The following KRT83 variants were observed in gnomAD, a reference collection of about 807,000 sequenced individuals.
KRT83 encodes keratin, type II cuticular Hb3.
In KRT83, 51 loss-of-function variants were observed where a neutral mutation model predicts 52.9. That is an observed-to-expected ratio of 0.96 (90% CI 0.77 to 1.22). The LOEUF is 1.22. Ranked by LOEUF, KRT83 falls within the 50% of genes most tolerant of loss-of-function variation. The pLI, the probability that KRT83 is intolerant of heterozygous loss-of-function variation, is 0.00. For synonymous variants in KRT83, 278 were observed against 274.1 expected (o/e 1.01, Z -0.14); for missense variants, 654 against 666.5 (o/e 0.98, Z 0.21).
rs899263818 is a variant in KRT83, at chr12:52,319,350, C to T, written c.399G>A (p.Glu133=). The change falls in exon 2 of 9, where the codon GAG becomes GAA. Residue 133 remains glutamate (E), a synonymous_variant. Coordinates refer to ENST00000293670, the MANE Select transcript of KRT83 (RefSeq NM_002282.3). ...TTGTCTCCAGCAGCTTGTTCTGCTGCTCCAGGAAGCGCACCTGCCACCCAG... is the reference window on the plus strand; with the variant it reads ...TTGTCTCCAGCAGCTTGTTCTGCTGTTCCAGGAAGCGCACCTGCCACCCAG... The part of the protein sequence containing the change: ...AAFIDKVRFL[E]QQNKLLETKL... 1 of 1,614,042 alleles carries T rather than the reference C, an allele frequency of 6.2e-7. No homozygotes were observed. Among genetic ancestry groups the T allele is most frequent in the Non-Finnish European group, 8.5e-7 (1 of 1,179,898 alleles).
In KRT83 at chr12:52,314,657, C is replaced by T. The variant is rs1319758288; in HGVS notation, c.1456G>A (p.Gly486Ser). The change falls in exon 9 of 9, where the codon GGC becomes AGC. Residue 486 changes from glycine to serine, a missense_variant. Transcript: ENST00000293670. ...TAATGCCTCCCCTGGCCGCAGGAGC[C>T]CCCTCCACAGGTGGTGTTCAGCTGG... is the stretch of plus-strand genomic sequence containing the variant. ...CGQLNTTCGG[G>S]SCGQGRH 2 of 1,575,038 alleles carry T rather than the reference C, an allele frequency of 1.3e-6. No individual in the cohort carries two copies. Among genetic ancestry groups the T allele is most frequent in the East Asian group, 4.6e-5 (2 of 43,238 alleles).
intron 2 of KRT83, 71 bp from the exon 3 acceptor site, chr12:52,318,041 G>T: frequency 7.1e-7 from 1 of 1,412,162 alleles, no homozygotes; most frequent in Non-Finnish European, 1.0e-6. Context: ...TATATGCAAA[G>T]GAGTCTCTTT....
chr12:52,318,812 C>A (rs189628012), intron 2 of KRT83, among the ~76,000 whole-genome samples: 1 of 152,312 alleles, frequency 6.6e-6, no homozygotes, highest in Admixed American at 6.5e-5. Context: ...CAGCGTGCTG[C>A]ATGTGGTAGG....
rs1194656235 is a variant in KRT83, at chr12:52,321,233, C to A, written c.103G>T (p.Ala35Ser). ...PRPSRCCITA[A>S]PYRGISCYRG... Reference sequence around the variant, plus strand: ...TAGCAGGAGATGCCGCGGTAGGGGGCGGCGGTGATGCAGCAGCGGCTTGGC... The same window carrying A: ...TAGCAGGAGATGCCGCGGTAGGGGGAGGCGGTGATGCAGCAGCGGCTTGGC... The change falls in exon 1 of 9, where the codon GCC becomes TCC. Residue 35 changes from alanine to serine, a missense_variant. By Grantham distance (99) the Ala-to-Ser change is moderately conservative (BLOSUM62 1). Coordinates refer to ENST00000293670, the MANE Select transcript of KRT83 (RefSeq NM_002282.3). The A allele has an allele frequency of 1.2e-6, 2 of 1,613,508 alleles. No individual in the cohort carries two copies. Among genetic ancestry groups the A allele is most frequent in the African/African-American group, 1.3e-5 (1 of 75,052 alleles).
rs1399084780 is a variant in KRT83, at chr12:52,316,480, A to G, written c.1029T>C (p.Asn343=). Residue 343 remains asparagine (N), a synonymous_variant, in exon 6 of 9, where the codon AAT becomes AAC. Coordinates refer to ENST00000293670, the MANE Select transcript of KRT83 (RefSeq NM_002282.3). ...MIQRLTAEVE[N]AKCQNSKLEA... The stretch of plus-strand genomic sequence containing the variant: ...CGGGCTCTGGTACCTGGCACTTGGC[A>G]TTCTCCACCTCGGCTGTCAGCCTCT... The G allele has an allele frequency of 4.3e-6, 7 of 1,614,086 alleles. No individual in the cohort carries two copies. Among genetic ancestry groups the G allele is most frequent in the African/African-American group, 1.3e-5 (1 of 75,014 alleles).
chr12:52,315,781 T>A lies in KRT83; in HGVS notation c.1262+112A>T, dbSNP rs1340611598. ...GAATGAGACAACTTGAAGATATGGA[T>A]CTGGGATCCATAGAGGCAAGAATGT... On this transcript the variant is annotated intron_variant, in intron 7 of 8. Coordinates refer to ENST00000293670, the MANE Select transcript of KRT83 (RefSeq NM_002282.3). 5 of 1,421,396 alleles carry A rather than the reference T, an allele frequency of 3.5e-6. No homozygotes were observed. The East Asian group carries it at 9.4e-5, about 27-fold the overall frequency. 88.0% of individuals were successfully genotyped at this position (1,421,396 alleles called of 1,614,324 possible).
Position 52,317,903 on chromosome 12 carries a change from C to T in KRT83, c.654+7G>A. The stretch of plus-strand genomic sequence containing the variant: ...GGCGGGCTCAGGGCCAGCTGGGCTT[C>T]ACTCACCTTCTTTAGAGCCACAAAC... On this transcript the variant is annotated splice_region_variant and intron_variant, in intron 3 of 8. Coordinates refer to ENST00000293670, the MANE Select transcript of KRT83 (RefSeq NM_002282.3). 1 of 1,614,144 alleles carries T rather than the reference C, an allele frequency of 6.2e-7. No individual in the cohort carries two copies. The highest frequency in any genetic ancestry group is 8.5e-7 in the Non-Finnish European group (1 of 1,179,976).
chr12:52,320,230 G>C (rs1938749741), intron 1 of KRT83, among the ~76,000 whole-genome samples: 1 of 152,008 alleles, frequency 6.6e-6, no homozygotes, highest in Non-Finnish European at 1.5e-5. Flanking sequence ...TGAGGTTTTG[G>C]CTCTGGAGGG....
At chr12:52,320,803 G>T in intron 1 of KRT83, 149 bp downstream of exon 1, 1 of 1,508,150 alleles carries the variant, frequency 6.6e-7, no homozygotes, top group Non-Finnish European at 9.2e-7. Context: ...TTGTCTTTCT[G>T]TCTGTGTCCT....
At position 52,316,609 on chromosome 12, in the gene KRT83, A is replaced by T. The variant is rs1346697616; in HGVS notation, c.916-16T>A. The T allele has an allele frequency of 4.3e-6, 7 of 1,614,120 alleles. No individual in the cohort carries two copies. Among genetic ancestry groups the T allele is most frequent in the Non-Finnish European group, 5.9e-6 (7 of 1,180,022 alleles). On this transcript the variant is annotated splice_polypyrimidine_tract_variant and intron_variant, in intron 5 of 8. Coordinates refer to ENST00000293670, the MANE Select transcript of KRT83 (RefSeq NM_002282.3). ...TCTCCTCACACTGCAGGAAGCAGAG[A>T]TGTTCATGAGGCTCAGGATGAGACA...
chr12:52,319,911 C>T (rs572218468), intron 1 of KRT83, among the ~76,000 whole-genome samples: 2 of 152,294 alleles, frequency 1.3e-5, no homozygotes, highest in South Asian at 2.1e-4. Flanking sequence ...CTCCAACCCC[C>T]TTATTTTACT....
At chr12:52,319,973 A>G (rs1938745075) in intron 1 of KRT83, among the ~76,000 whole-genome samples, 1 of 152,166 alleles carries the variant, frequency 6.6e-6, no homozygotes, top group African/African-American at 2.4e-5. Context: ...GTGGCAGAGA[A>G]GAGCTCAAAC....
chr12:52,314,541 G>A lies in KRT83; in HGVS notation c.*90C>T. 1 of 1,225,872 alleles carries A rather than the reference G, an allele frequency of 8.2e-7. No individual in the cohort carries two copies. Among genetic ancestry groups the A allele is most frequent in the Non-Finnish European group, 1.2e-6 (1 of 852,126 alleles). 75.9% of individuals were successfully genotyped at this position (1,225,872 alleles called of 1,614,324 possible). A position where few individuals can be genotyped will look rare whatever the true frequency, so the allele number is the denominator to read the frequency against. On this transcript the variant is annotated 3_prime_UTR_variant, in exon 9 of 9. Coordinates refer to ENST00000293670, the MANE Select transcript of KRT83 (RefSeq NM_002282.3). ...GTATTCTCAGAACACAAGGGGAAAA[G>A]CCAGCGATGTGCTGCTGTTTTCAGC... is the stretch of plus-strand genomic sequence containing the variant.
intron 2 of KRT83, 75 bp from the exon 3 acceptor site, chr12:52,318,045 T>C (rs1287932523): frequency 1.4e-5 from 19 of 1,374,742 alleles, no homozygotes; most frequent in Non-Finnish European, 1.9e-5. Flanking sequence ...TGCAAAGGAG[T>C]CTCTTTCCTA....
rs778809722 is a variant in KRT83 at position 52,321,311 on chromosome 12, C to T, written c.25G>A (p.Gly9Ser). The T allele has an allele frequency of 8.7e-6, 14 of 1,613,578 alleles. No individual in the cohort carries two copies. Among genetic ancestry groups the T allele is most frequent in the Non-Finnish European group, 1.2e-5 (14 of 1,180,038 alleles). The change falls in exon 1 of 9, where the codon GGC becomes AGC. Residue 9 changes from glycine to serine, a missense_variant. Gly to Ser is a moderately conservative substitution (Grantham distance 56). Coordinates refer to ENST00000293670, the MANE Select transcript of KRT83 (RefSeq NM_002282.3). ...AAGTTTCCAGGGCGGAACCCACAGC[C>T]TATGGAGTTGAAGCCACAGGTCATG... Reference protein sequence around the residue: MTCGFNSIGCGFRPGNFSC... With the variant: MTCGFNSISCGFRPGNFSC...
chr12:52,315,950 A>T lies in KRT83; in HGVS notation c.1205T>A (p.Leu402Gln), dbSNP rs1314640077. The T allele has an allele frequency of 1.2e-6, 2 of 1,612,922 alleles. No homozygotes were observed. The highest frequency in any genetic ancestry group is 2.2e-5 in the East Asian group (1 of 44,868). Reference sequence around the variant, plus strand: ...GGTGGCGATCTCGATATCCAGGCCTAGCTTGGAGTTCATCACCTCCTGGTA... The same window carrying T: ...GGTGGCGATCTCGATATCCAGGCCTTGCTTGGAGTTCATCACCTCCTGGTA... ...REYQEVMNSK[L>Q]GLDIEIATYR... Residue 402 changes from leucine to glutamine, a missense_variant, in exon 7 of 9, where the codon CTA becomes CAA. Coordinates refer to ENST00000293670, the MANE Select transcript of KRT83 (RefSeq NM_002282.3).
Position 52,321,163 on chromosome 12 carries a change from C to A in KRT83, c.173G>T (p.Gly58Val), listed in dbSNP as rs776629118. The A allele has an allele frequency of 7.4e-6, 12 of 1,612,302 alleles. No individual in the cohort carries two copies. The highest frequency in any genetic ancestry group is 1.0e-5 in the Non-Finnish European group (12 of 1,179,414). ...GCGTCCGCAGGAGCCGGCGCGGAAG[C>A]CCCCGCACACGCTGTGGCTGCCAAA... Reference protein sequence around the residue: ...GGFGSHSVCGGFRAGSCGRSF... With the variant: ...GGFGSHSVCGVFRAGSCGRSF... The change falls in exon 1 of 9, where the codon GGC (glycine) becomes GTC (valine). Residue 58 changes from glycine to valine, a missense_variant. Coordinates refer to ENST00000293670, the MANE Select transcript of KRT83 (RefSeq NM_002282.3).
Position 52,315,353 on chromosome 12 carries a change from GA to G in KRT83, c.1263-11del. The G allele has an allele frequency of 6.2e-7, 1 of 1,613,562 alleles. No individual in the cohort carries two copies. The highest frequency in any genetic ancestry group is 8.5e-7 in the Non-Finnish European group (1 of 1,179,590). On this transcript the variant is annotated splice_polypyrimidine_tract_variant and intron_variant, in intron 7 of 8. Coordinates refer to ENST00000293670, the MANE Select transcript of KRT83 (RefSeq NM_002282.3). ...AACACCTTCACACAGCCTGAGTGGG[GA>G]AAAAGTAAGGAAGGGGAAGATAAAA...
In KRT83 at chr12:52,321,250, C is replaced by G; in HGVS notation, c.86G>C (p.Arg29Pro). 1 of 1,613,392 alleles carries G rather than the reference C, an allele frequency of 6.2e-7. No homozygotes were observed. The highest frequency in any genetic ancestry group is 8.5e-7 in the Non-Finnish European group (1 of 1,179,904). The change falls in exon 1 of 9, where the codon CGC becomes CCC. Residue 29 changes from arginine (R) to proline (P), a missense_variant. Transcript: ENST00000293670. ...GTAGGGGGCGGCGGTGATGCAGCAG[C>G]GGCTTGGCCGGGGCCCGCAGGCAGA... Reference protein sequence around the residue: ...CVSACGPRPSRCCITAAPYRG... With the variant: ...CVSACGPRPSPCCITAAPYRG...
Sources: allele counts gnomAD v4.1 joint callset (sites outside exome capture counted in the v4.1 genomes callset), GRCh38; gene constraint gnomAD v4.1.1; transcripts MANE v1.5; gene names NCBI Gene and HGNC (gene_info 2026-07-23, HGNC 2026-07-21).